The following TBC1D20 variants were observed in gnomAD, a reference collection of about 807,000 sequenced individuals.
The protein encoded by TBC1D20 is chromosome 20 open reading frame 140.
TBC1D20 carries 12 observed loss-of-function variants against 41.6 expected under a neutral mutation model. That is an observed-to-expected ratio of 0.29 (90% CI 0.18 to 0.47). The LOEUF (loss-of-function observed/expected upper bound fraction) is 0.47. TBC1D20 is among the 20% of genes least tolerant of loss of function. The pLI, the probability that TBC1D20 is intolerant of heterozygous loss-of-function variation, is 1.00. For missense variants in TBC1D20, 421 were observed against 517.4 expected (o/e 0.81, Z 1.81); for synonymous variants, 205 against 204.8 (o/e 1.00, Z -0.01).
chr20:454,650 CATTATTATT>C (rs11471553), intron 1 of TBC1D20, among the ~76,000 whole-genome samples: 1 of 149,512 alleles, frequency 6.7e-6, no homozygotes, highest in African/African-American at 2.5e-5. Flanking sequence ...CAAAGCTGTA[CATTATTATT>C]ATTATTATTA....
At chr20:462,304 G>A (rs2017647474) in intron 1 of TBC1D20, 32 bp downstream of exon 1, 1 of 1,268,348 alleles carries the variant, frequency 7.9e-7, no homozygotes. Flanking sequence ...GCCCTCGCAG[G>A]CCGCTCCCGG....
chr20:454,329 T>TA (rs1213741864), intron 1 of TBC1D20, among the ~76,000 whole-genome samples: 1 of 147,500 alleles, frequency 6.8e-6, no homozygotes, highest in Non-Finnish European at 1.5e-5. Context: ...CTTGTTACAA[T>TA]AAAACTAAAT....
rs934021417 is a variant in TBC1D20, at chr20:436,375, A to G, written c.*2211T>C. 13 of 152,520 alleles carry G rather than the reference A, an allele frequency of 8.5e-5. No homozygotes were observed. Among genetic ancestry groups the G allele is most frequent in the African/African-American group, 2.9e-4 (12 of 41,464 alleles). The allele number at this position is 152,520 out of a possible 1,614,324, so 9.4% of individuals were successfully genotyped here. A position where few individuals can be genotyped will look rare whatever the true frequency, so the allele number is the denominator to read the frequency against. On this transcript the variant is annotated 3_prime_UTR_variant, in exon 8 of 8. Coordinates refer to ENST00000354200, the MANE Select transcript of TBC1D20 (RefSeq NM_144628.4). ...CAGAATAAGTAAACCACCTGAAGGT[A>G]ATTAGATAATGCTTTCTTCTCAATG...
chr20:443,085 G>A (rs950192745), intron 3 of TBC1D20, among the ~76,000 whole-genome samples: 1 of 152,110 alleles, frequency 6.6e-6, no homozygotes, highest in African/African-American at 2.4e-5. Context: ...GGGCGAGAGA[G>A]CAAGACTCCG....
intron 3 of TBC1D20, among the ~76,000 whole-genome samples, chr20:442,571 C>A (rs572603945): frequency 7.2e-4 from 109 of 152,240 alleles, no homozygotes; most frequent in African/African-American, 2.5e-3. Context: ...GCACATTACT[C>A]GAAGAAATGG....
Position 439,782 on chromosome 20 carries a change from C to G in TBC1D20, c.768+466G>C, listed in dbSNP as rs898137851. ...GGTCATTGAAGGACTTCCCTGAATT[C>G]CCATCTCCACCCCATCCCTCAAGAC... On this transcript the variant is annotated intron_variant, in intron 6 of 7. Transcript: ENST00000354200. This position sits in a 1 kb window ranked among gnomAD's most constrained non-coding sequence, Gnocchi z 4.6. 3.9e-5 allele frequency among the ~76,000 whole-genome samples: 6 copies of G among 152,184 alleles called. No homozygotes were observed. The highest frequency in any genetic ancestry group is 1.4e-4 in the African/African-American group (6 of 41,448).
chr20:438,788 G>A lies in TBC1D20; in HGVS notation c.1010C>T (p.Pro337Leu), dbSNP rs758369569. 60 of 1,614,104 alleles carry A rather than the reference G, an allele frequency of 3.7e-5. No homozygotes were observed. Among genetic ancestry groups the A allele is most frequent in the Non-Finnish European group, 4.5e-5 (53 of 1,180,064 alleles). Residue 337 changes from proline to leucine, a missense_variant, in exon 8 of 8, where the codon CCT becomes CTT. Pro to Leu is a moderately conservative substitution (Grantham distance 98, BLOSUM62 -3). This residue lies in a region of TBC1D20 where 161 missense variants were observed against 182.7 expected (regional missense o/e 0.88). Coordinates refer to ENST00000354200, the MANE Select transcript of TBC1D20 (RefSeq NM_144628.4). ...AAACCGCTGCCGCAGCACCATATCA[G>A]GCCTCTGCTGGGCTGATGCCAGCTC... ...DFELASAQQR[P>L]DMVLRQRFRG...
At chr20:451,196 C>A (rs1304594005) in intron 1 of TBC1D20, among the ~76,000 whole-genome samples, 1 of 152,198 alleles carries the variant, frequency 6.6e-6, no homozygotes, top group Non-Finnish European at 1.5e-5. Context: ...ACTCTCTTGA[C>A]ATGCTTAATT....
chr20:444,075 G>A (rs954323594), intron 3 of TBC1D20, among the ~76,000 whole-genome samples: 6 of 151,452 alleles, frequency 4.0e-5, no homozygotes, highest in Admixed American at 2.0e-4. Context: ...AGGTTGTAGT[G>A]AGCTGAGACA....
intron 2 of TBC1D20, 72 bp from the exon 3 acceptor site, chr20:445,202 G>A (rs2017310158): frequency 8.8e-7 from 1 of 1,138,382 alleles, no homozygotes; most frequent in Non-Finnish European, 1.3e-6. Context: ...ATTCTGGGAT[G>A]ACACAAAAGG....
intron 1 of TBC1D20, among the ~76,000 whole-genome samples, chr20:456,337 T>TTTCATCCA (rs111897243): frequency 1.1e-3 from 167 of 151,604 alleles, no homozygotes; most frequent in African/African-American, 2.6e-3. Context: ...AGGTGTGTCC[T>TTTCATCCA]TTCATCCATT....
intron 1 of TBC1D20, 95 bp downstream of exon 1, chr20:462,241 C>CA: frequency 1.1e-6 from 1 of 906,892 alleles, no homozygotes; most frequent in Non-Finnish European, 1.4e-6. Context: ...CCCGGGTCCC[C>CA]AGCCCGCGCC....
chr20:445,741 T>C (rs1012387851), intron 2 of TBC1D20, among the ~76,000 whole-genome samples: 13 of 152,222 alleles, frequency 8.5e-5, no homozygotes, highest in Admixed American at 8.5e-4. Context: ...ATAACAAGTG[T>C]ACATTTCCTC....
At chr20:440,962 T>A (rs2017216979) in intron 5 of TBC1D20, 2 of 153,542 alleles carry the variant, frequency 1.3e-5, no homozygotes, top group African/African-American at 4.8e-5. Context: ...TGGTGGCGCA[T>A]GCCTGTAATC....
chr20:447,932 G>A lies in TBC1D20; in HGVS notation c.213C>T (p.Pro71=), dbSNP rs1030578990. Residue 71 remains proline (P), a synonymous_variant, in exon 2 of 8, where the codon CCC becomes CCT. Coordinates refer to ENST00000354200, the MANE Select transcript of TBC1D20 (RefSeq NM_144628.4). ...CATTGGCATTGACATTGAGGAGCTTGGGCCACACTTTTCGTCTGATCTCAT... is the reference window on the plus strand; with the variant it reads ...CATTGGCATTGACATTGAGGAGCTTAGGCCACACTTTTCGTCTGATCTCAT... ...LTDEIRRKVW[P]KLLNVNANDP... The A allele has an allele frequency of 1.9e-6, 3 of 1,613,942 alleles. No individual in the cohort carries two copies. In the Admixed American group the frequency reaches 5.0e-5, roughly 27 times the overall value.
intron 2 of TBC1D20, among the ~76,000 whole-genome samples, chr20:445,430 T>G (rs560081895): frequency 3.3e-5 from 5 of 152,290 alleles, no homozygotes; most frequent in Admixed American, 3.3e-4. Context: ...AAGGCCACTG[T>G]GCATCACTGG....
At chr20:452,459 T>A (rs539090542) in intron 1 of TBC1D20, among the ~76,000 whole-genome samples, 68 of 152,202 alleles carry the variant, frequency 4.5e-4, no homozygotes, top group Non-Finnish European at 1.3e-4. Flanking sequence ...TGAGACCCTG[T>A]CTCTACAAAA....
intron 6 of TBC1D20, 93 bp downstream of exon 6, chr20:440,155 C>T (rs2017199704): frequency 9.4e-6 from 14 of 1,493,842 alleles, no homozygotes. Flanking sequence ...TCTTTTGCAT[C>T]TTTCCATAAT....
Position 455,038 on chromosome 20 carries a change from G to A in TBC1D20, c.71-6964C>T, listed in dbSNP as rs946251591. Among the ~76,000 whole-genome samples, 8 of 152,262 alleles carry A rather than the reference G, an allele frequency of 5.3e-5. 1 individual carries two copies. Among genetic ancestry groups the A allele is most frequent in the African/African-American group, 9.6e-5 (4 of 41,550 alleles). On this transcript the variant is annotated intron_variant, in intron 1 of 7. Coordinates refer to ENST00000354200, the MANE Select transcript of TBC1D20 (RefSeq NM_144628.4). Reference sequence around the variant, plus strand: ...GTGAGCTACCTATGAGACCTGAAACGTAAAACCCACATAAACAGAGGCACT... The same window carrying A: ...GTGAGCTACCTATGAGACCTGAAACATAAAACCCACATAAACAGAGGCACT...
Sources: gnomAD v4.1 joint callset for allele counts (sites outside exome capture counted in the v4.1 genomes callset) on GRCh38, gnomAD v4.1.1 for gene constraint, gnomAD v4.1.1 regional missense constraint, Gnocchi (gnomAD v3.1) non-coding constraint, MANE v1.5 for transcripts, NCBI Gene and HGNC (gene_info 2026-07-23, HGNC 2026-07-21) for gene names.